PCDHA11: variants seen among roughly 807,000 people sequenced by gnomAD.
PCDHA11 encodes protocadherin alpha-11.
PCDHA11 carries 61 observed loss-of-function variants against 70.3 expected under a neutral mutation model. The ratio of observed to expected loss-of-function variants is 0.87; its 90% CI spans 0.71 to 1.07. PCDHA11 has a LOEUF of 1.07. PCDHA11 is among the 50% of genes least tolerant of loss of function. PCDHA11 has a pLI of 0.00. For synonymous variants in PCDHA11, 633 were observed against 555.1 expected, an observed-to-expected ratio of 1.14 and a Z score of -1.97; for missense variants, 1,324 against 1,237.5, an observed-to-expected ratio of 1.07 and a Z score of -1.05.
Position 140,869,591 on chromosome 5 carries a change from A to AGAAT in PCDHA11, c.488_489insGAAT (p.Glu164AsnfsTer12). 6.2e-7 allele frequency: 1 copy of AGAAT among 1,614,138 alleles called. No homozygotes were observed. On this transcript the variant is annotated frameshift_variant, in exon 1 of 4. Coordinates refer to ENST00000398640, the MANE Select transcript of PCDHA11 (RefSeq NM_018902.5). LOFTEE classifies it high-confidence loss of function. Reference sequence around the variant, plus strand: ...GAGGGAGCTTCTGATGCTGACATTGAAGAGAATGCTCTATTGACCTACAGG... The same window carrying AGAAT: ...GAGGGAGCTTCTGATGCTGACATTGAGAATAGAGAATGCTCTATTGACCTACAGG...
chr5:140,944,744 A>G (rs1408016136), intron 1 of PCDHA11, among the ~76,000 whole-genome samples: 2 of 152,204 alleles, frequency 1.3e-5, no homozygotes, highest in East Asian at 3.8e-4. Context: ...CTGAGCATTT[A>G]CATGGAAAAA....
intron 1 of PCDHA11, chr5:140,884,152 T>A: frequency 6.2e-7 from 1 of 1,613,450 alleles, no homozygotes; most frequent in Non-Finnish European, 8.5e-7. Context: ...GGCTGTACAC[T>A]GGCGAGATCA....
intron 3 of PCDHA11, among the ~76,000 whole-genome samples, chr5:141,009,035 G>A (rs1455230382): frequency 2.6e-5 from 4 of 152,106 alleles, no homozygotes; most frequent in Non-Finnish European, 2.9e-5. Flanking sequence ...TTCCCATCCC[G>A]TTCCCAGTCA....
At chr5:141,001,280 G>T (rs1308036863) in intron 3 of PCDHA11, among the ~76,000 whole-genome samples, 2 of 152,162 alleles carry the variant, frequency 1.3e-5, no homozygotes, top group South Asian at 2.1e-4. Context: ...TTTTTTTACG[G>T]ATGAAAACTG....
intron 1 of PCDHA11, chr5:140,877,626 C>T: frequency 6.2e-7 from 1 of 1,613,828 alleles, no homozygotes; most frequent in African/African-American, 1.3e-5. Context: ...TGCTGCTGTA[C>T]ACTGCGCTGC....
intron 1 of PCDHA11, among the ~76,000 whole-genome samples, chr5:140,977,568 G>A (rs547387044): frequency 1.3e-5 from 2 of 152,312 alleles, no homozygotes; most frequent in East Asian, 1.9e-4. Context: ...TAGCAGATTG[G>A]TAGAATAGAG....
chr5:140,967,659 G>A, intron 1 of PCDHA11: 1 of 1,614,218 alleles, frequency 6.2e-7, no homozygotes, highest in Non-Finnish European at 8.5e-7. Flanking sequence ...TCCTTGAGCA[G>A]CTACACGTCG....
At chr5:140,980,910 T>G (rs1554242463) in intron 2 of PCDHA11, among the ~76,000 whole-genome samples, 1 of 152,206 alleles carries the variant, frequency 6.6e-6, no homozygotes, top group East Asian at 1.9e-4. Context: ...ATGTAACTAT[T>G]CTTTAAAAAA....
intron 1 of PCDHA11, among the ~76,000 whole-genome samples, chr5:140,955,118 G>C (rs2095139401): frequency 6.6e-6 from 1 of 152,058 alleles, no homozygotes; most frequent in African/African-American, 2.4e-5. Flanking sequence ...TCTCTATTCT[G>C]TTCCACTGGT....
intron 1 of PCDHA11, chr5:140,875,439 G>C (rs375983329): frequency 3.8e-6 from 6 of 1,569,382 alleles, no homozygotes; most frequent in East Asian, 2.3e-5. Flanking sequence ...CCTTAAAACT[G>C]ATTGTCCCAA....
chr5:140,891,055 G>A (rs2062932146), intron 1 of PCDHA11, among the ~76,000 whole-genome samples: 1 of 152,142 alleles, frequency 6.6e-6, no homozygotes, highest in Admixed American at 6.5e-5. Context: ...ACAGCACATA[G>A]TAAATATTAT....
chr5:140,906,192 C>G (rs2072444836), intron 1 of PCDHA11, among the ~76,000 whole-genome samples: 1 of 152,182 alleles, frequency 6.6e-6, no homozygotes, highest in Non-Finnish European at 1.5e-5. Context: ...TCAATCCAAT[C>G]AAGTTGACAC....
intron 1 of PCDHA11, among the ~76,000 whole-genome samples, chr5:140,885,441 A>G (rs568228687): frequency 6.6e-6 from 1 of 152,232 alleles, no homozygotes; most frequent in African/African-American, 2.4e-5. Context: ...GTGTGCAATT[A>G]TATATTATTT....
chr5:140,966,652 G>C (rs556593659), intron 1 of PCDHA11: 2 of 1,169,200 alleles, frequency 1.7e-6, no homozygotes, highest in Admixed American at 3.9e-5. Context: ...GAGCGTGAGC[G>C]GTGGGGGAGC....
At chr5:140,876,117 C>T in intron 1 of PCDHA11, 1 of 1,613,922 alleles carries the variant, frequency 6.2e-7, no homozygotes, top group Non-Finnish European at 8.5e-7. Flanking sequence ...TGATGGTAAT[C>T]GATGGCGGTA....
chr5:140,937,911 CAA>C (rs200797202), intron 1 of PCDHA11, among the ~76,000 whole-genome samples: 76 of 117,920 alleles, frequency 6.4e-4, no homozygotes, highest in Admixed American at 7.8e-4. Context: ...GACTCCGTCT[CAA>C]AAAAAAAAAA....
chr5:140,927,959 G>A lies in PCDHA11; in HGVS notation c.2392-50990G>A. On this transcript the variant is annotated intron_variant, in intron 1 of 3. Transcript: ENST00000398640. ...CCAGTACCTGAGGACGCTGCCCCTG[G>A]CACAGTGATTGCTCTCTTTAGTGTA... 1 of 1,614,190 alleles carries A rather than the reference G, an allele frequency of 6.2e-7. No individual in the cohort carries two copies. Among genetic ancestry groups the A allele is most frequent in the East Asian group, 2.2e-5 (1 of 44,886 alleles).
At chr5:140,897,187 TA>T (rs1554187233) in intron 1 of PCDHA11, among the ~76,000 whole-genome samples, 7 of 152,166 alleles carry the variant, frequency 4.6e-5, no homozygotes, top group Non-Finnish European at 1.0e-4. Context: ...TCAAAAAATA[TA>T]TTTTTTTATT....
chr5:140,903,768 T>C (rs1211667697), intron 1 of PCDHA11, among the ~76,000 whole-genome samples: 1 of 152,212 alleles, frequency 6.6e-6, no homozygotes, highest in Non-Finnish European at 1.5e-5. Flanking sequence ...TGCTGAACTT[T>C]TCTATCCATA....
Sources: allele counts gnomAD v4.1 joint callset (sites outside exome capture counted in the v4.1 genomes callset), GRCh38; gene constraint gnomAD v4.1.1; transcripts MANE v1.5; gene names NCBI Gene and HGNC (gene_info 2026-07-23, HGNC 2026-07-21).